Variants in CDKAL1 observed in about 807,000 individuals in gnomAD.
CDKAL1 encodes the protein threonylcarbamoyladenosine tRNA methylthiotransferase.
In CDKAL1, 32 loss-of-function variants were observed where a neutral mutation model predicts 68.2. That is an observed-to-expected ratio of 0.47 (90% confidence interval 0.35 to 0.63). The LOEUF (loss-of-function observed/expected upper bound fraction) is 0.63, where lower values mean the gene tolerates loss of function less well. Among genes scored for constraint, CDKAL1 ranks in the 30% least tolerant of loss-of-function variants. The probability of loss-of-function intolerance (pLI) is 0.00; values close to 1 mark genes in which losing one functional copy is unlikely to be tolerated. For synonymous variants in CDKAL1, 234 were observed against 244.3 expected (o/e 0.96, Z 0.39); for missense variants, 606 against 696.7 (o/e 0.87, Z 1.47).
At chr6:21,153,235 C>CTTTTTTT (rs1162272560) in intron 13 of CDKAL1, among the ~76,000 whole-genome samples, 36 of 96,178 alleles carry the variant, frequency 3.7e-4, no homozygotes, top group East Asian at 1.1e-3. Context: ...TATGTGATTT[C>CTTTTTTT]TTTTTTTTTT....
chr6:20,960,248 C>CTGGGACTA (rs1316549182), intron 10 of CDKAL1, among the ~76,000 whole-genome samples: 1 of 152,160 alleles, frequency 6.6e-6, no homozygotes, highest in Non-Finnish European at 1.5e-5. Context: ...CCTGCCTTAG[C>CTGGGACTA]TGGGACTACA....
chr6:20,722,843 G>A (rs1325079813), intron 5 of CDKAL1, among the ~76,000 whole-genome samples: 1 of 152,052 alleles, frequency 6.6e-6, no homozygotes, highest in African/African-American at 2.4e-5. Context: ...AGAGAGGAGA[G>A]AGAGACAGAC....
At chr6:20,987,829 G>T (rs571621094) in intron 10 of CDKAL1, among the ~76,000 whole-genome samples, 91 of 152,008 alleles carry the variant, frequency 6.0e-4, no homozygotes, top group African/African-American at 1.5e-3. Context: ...GCCCAGGTTG[G>T]AGTGTAGTGG....
intron 11 of CDKAL1, among the ~76,000 whole-genome samples, chr6:21,009,244 T>C (rs530221866): frequency 1.7e-4 from 26 of 152,354 alleles, no homozygotes; most frequent in Admixed American, 7.8e-4. Context: ...ATTTTATTTA[T>C]TGCTATTATA....
intron 5 of CDKAL1, among the ~76,000 whole-genome samples, chr6:20,672,242 C>G (rs1769861999): frequency 1.0e-5 from 1 of 96,550 alleles, no homozygotes; most frequent in Non-Finnish European, 1.9e-5. Context: ...CTTTCTCTTT[C>G]TTTCTTTCTT....
At chr6:20,540,399 A>C (rs1763344086) in intron 2 of CDKAL1, among the ~76,000 whole-genome samples, 1 of 151,302 alleles carries the variant, frequency 6.6e-6, no homozygotes, top group Admixed American at 6.6e-5. Flanking sequence ...GAAATGGGAG[A>C]AGTTGTAAGA....
intron 15 of CDKAL1, among the ~76,000 whole-genome samples, chr6:21,205,144 A>G (rs995273521): frequency 3.3e-5 from 5 of 152,170 alleles, no homozygotes; most frequent in African/African-American, 1.2e-4. Flanking sequence ...CTCCTTTTCA[A>G]GGCTAAATAC....
At chr6:20,672,924 G>A (rs374951091) in intron 5 of CDKAL1, among the ~76,000 whole-genome samples, 1 of 151,984 alleles carries the variant, frequency 6.6e-6, no homozygotes, top group African/African-American at 2.4e-5. Context: ...TTACAGGCGC[G>A]AGCTACCATG....
At chr6:20,658,878 G>T (rs1769152887) in intron 5 of CDKAL1, among the ~76,000 whole-genome samples, 1 of 152,152 alleles carries the variant, frequency 6.6e-6, no homozygotes, top group African/African-American at 2.4e-5. Context: ...GCAGTAGCAC[G>T]ATCACGGCTT....
At chr6:20,580,222 G>A (rs1166824843) in intron 4 of CDKAL1, among the ~76,000 whole-genome samples, 3 of 152,068 alleles carry the variant, frequency 2.0e-5, no homozygotes, top group Non-Finnish European at 4.4e-5. Context: ...TAACATTTGG[G>A]GTTTCAATTA....
intron 12 of CDKAL1, among the ~76,000 whole-genome samples, chr6:21,084,286 A>G (rs1264508059): frequency 1.3e-5 from 2 of 152,188 alleles, no homozygotes; most frequent in Non-Finnish European, 2.9e-5. Context: ...AAAATAAAAT[A>G]TTTTGAATTG....
chr6:20,635,706 GC>G (rs1011354859), intron 4 of CDKAL1, among the ~76,000 whole-genome samples: 3 of 152,190 alleles, frequency 2.0e-5, no homozygotes, highest in African/African-American at 7.2e-5. Flanking sequence ...GCTGGTAGTA[GC>G]TTCCTGCTGG....
At chr6:20,737,243 A>G (rs1029403716) in intron 5 of CDKAL1, among the ~76,000 whole-genome samples, 2 of 152,096 alleles carry the variant, frequency 1.3e-5, no homozygotes, top group Admixed American at 1.3e-4. Context: ...CTTTCTGCAT[A>G]TTCTTTTTGA....
intron 10 of CDKAL1, among the ~76,000 whole-genome samples, chr6:20,984,656 C>T (rs1031842301): frequency 8.6e-5 from 13 of 150,498 alleles, no homozygotes; most frequent in East Asian, 1.9e-4. Context: ...GAAAAGGGGA[C>T]GGATTGGGAA....
intron 9 of CDKAL1, among the ~76,000 whole-genome samples, chr6:20,868,973 C>T (rs1267887852): frequency 6.6e-6 from 1 of 152,178 alleles, no homozygotes; most frequent in African/African-American, 2.4e-5. Context: ...GGCCCTGGGG[C>T]TTTGCATGTA....
chr6:20,940,285 A>G (rs1763907545), intron 9 of CDKAL1, among the ~76,000 whole-genome samples: 1 of 152,166 alleles, frequency 6.6e-6, no homozygotes, highest in Non-Finnish European at 1.5e-5. Context: ...AAGAATTTTC[A>G]GTTTCTGTTG....
At chr6:21,125,954 T>A (rs1774990148) in intron 13 of CDKAL1, among the ~76,000 whole-genome samples, 2 of 152,192 alleles carry the variant, frequency 1.3e-5, no homozygotes, top group Non-Finnish European at 2.9e-5. Context: ...AACTAAAGTC[T>A]ATATGCAGCT....
intron 4 of CDKAL1, among the ~76,000 whole-genome samples, chr6:20,631,312 A>G (rs1308329777): frequency 6.6e-6 from 1 of 152,104 alleles, no homozygotes; most frequent in Admixed American, 6.6e-5. Flanking sequence ...TGCATCTACA[A>G]TAGCTTGTGG....
chr6:20,652,850 G>A (rs1463939823), intron 5 of CDKAL1, among the ~76,000 whole-genome samples: 3 of 152,186 alleles, frequency 2.0e-5, no homozygotes, highest in Non-Finnish European at 2.9e-5. Context: ...AGAAACTGCC[G>A]TGTTTTCAAT....
Sources: gnomAD v4.1 joint callset for allele counts (sites outside exome capture counted in the v4.1 genomes callset) on GRCh38, gnomAD v4.1.1 for gene constraint, MANE v1.5 for transcripts, NCBI Gene and HGNC (gene_info 2026-07-23, HGNC 2026-07-21) for gene names.